Variants in ANKRD6 observed in about 807,000 individuals in gnomAD.
ANKRD6 encodes ankyrin repeat domain-containing protein 6.
A neutral mutation model predicts 82.3 loss-of-function variants in ANKRD6; 56 were observed. The ratio of observed to expected loss-of-function variants is 0.68; its 90% CI spans 0.55 to 0.85. ANKRD6 has a LOEUF of 0.85. Ranked by LOEUF, ANKRD6 falls within the 40% of genes least tolerant of loss-of-function variation. The probability of loss-of-function intolerance (pLI) is 0.00; values close to 1 mark genes in which losing one functional copy is unlikely to be tolerated. For missense variants in ANKRD6, 852 were observed against 907.6 expected (o/e 0.94, Z 0.79); for synonymous variants, 347 against 352.1 (o/e 0.99, Z 0.16).
intron 5 of ANKRD6, 67 bp downstream of exon 5, chr6:89,606,172 T>G: frequency 2.3e-6 from 3 of 1,310,120 alleles, no homozygotes; most frequent in Non-Finnish European, 2.1e-6. Flanking sequence ...TCTCCCCCTG[T>G]GGGAGCCTTC....
intron 2 of ANKRD6, among the ~76,000 whole-genome samples, chr6:89,568,809 G>A (rs977213750): frequency 2.6e-5 from 4 of 151,970 alleles, no homozygotes; most frequent in Non-Finnish European, 4.4e-5. Flanking sequence ...CTGAACTCAC[G>A]CATCCCGGCC....
chr6:89,609,994 C>T (rs1799806342), intron 5 of ANKRD6, among the ~76,000 whole-genome samples: 1 of 152,124 alleles, frequency 6.6e-6, no homozygotes, highest in African/African-American at 2.4e-5. Context: ...CATTTTGTAC[C>T]AGCCATAGCC....
intron 1 of ANKRD6, among the ~76,000 whole-genome samples, chr6:89,565,885 A>G (rs1217323470): frequency 5.3e-5 from 8 of 152,228 alleles, no homozygotes; most frequent in African/African-American, 1.4e-4. Context: ...GCAGGACTGG[A>G]TTAGACATTT....
chr6:89,540,612 CAGA>C (rs1403050230), intron 1 of ANKRD6, among the ~76,000 whole-genome samples: 1 of 152,114 alleles, frequency 6.6e-6, no homozygotes, highest in African/African-American at 2.4e-5. Flanking sequence ...CTTTGCTGTG[CAGA>C]AGCTTTTTAA....
chr6:89,476,493 C>CT (rs1776053428), intron 1 of ANKRD6, among the ~76,000 whole-genome samples: 1 of 152,160 alleles, frequency 6.6e-6, no homozygotes, highest in African/African-American at 2.4e-5. Context: ...TTATCTTTGA[C>CT]TTTTTCCACA....
intron 1 of ANKRD6, among the ~76,000 whole-genome samples, chr6:89,474,575 G>C (rs1562584232): frequency 1.3e-5 from 2 of 152,032 alleles, no homozygotes; most frequent in African/African-American, 4.8e-5. Context: ...CTGCCACCAC[G>C]CCTGGCTAAT....
intron 1 of ANKRD6, among the ~76,000 whole-genome samples, chr6:89,501,187 C>T (rs1370611373): frequency 1.3e-5 from 2 of 152,230 alleles, no homozygotes; most frequent in East Asian, 3.9e-4. Context: ...ATAATTTGTA[C>T]CTGCAAAATC....
intron 9 of ANKRD6, chr6:89,618,455 C>T (rs1802170577): frequency 4.0e-6 from 2 of 495,702 alleles, no homozygotes; most frequent in African/African-American, 3.8e-5. Flanking sequence ...GGGGACGATT[C>T]TGGGCAGATA....
At chr6:89,571,944 A>G (rs902636792) in intron 2 of ANKRD6, among the ~76,000 whole-genome samples, 2 of 152,028 alleles carry the variant, frequency 1.3e-5, no homozygotes, top group Non-Finnish European at 2.9e-5. Context: ...CTCCCACCCC[A>G]ATCCCTGGCA....
intron 1 of ANKRD6, among the ~76,000 whole-genome samples, chr6:89,498,099 A>G (rs540757879): frequency 1.3e-5 from 2 of 152,218 alleles, no homozygotes; most frequent in East Asian, 1.9e-4. Flanking sequence ...AATTGTGGCA[A>G]ATTTCACAAT....
At chr6:89,485,928 C>G (rs570093579) in intron 1 of ANKRD6, among the ~76,000 whole-genome samples, 1 of 152,138 alleles carries the variant, frequency 6.6e-6, no homozygotes, top group Admixed American at 6.5e-5. Flanking sequence ...CTACAGTGTT[C>G]TATTACCTGA....
At chr6:89,516,925 G>A (rs1352500666) in intron 1 of ANKRD6, among the ~76,000 whole-genome samples, 6 of 152,200 alleles carry the variant, frequency 3.9e-5, no homozygotes, top group Non-Finnish European at 7.3e-5. Flanking sequence ...CTGGAGTGCA[G>A]TGGCACAATC....
At chr6:89,477,378 T>A (rs1438149562) in intron 1 of ANKRD6, among the ~76,000 whole-genome samples, 6 of 152,114 alleles carry the variant, frequency 3.9e-5, no homozygotes, top group Admixed American at 3.9e-4. Context: ...CCTTCACATA[T>A]TTTTCTCTTA....
chr6:89,494,873 C>G lies in ANKRD6; in HGVS notation c.-144+61498C>G, dbSNP rs140946551. 5.7e-3 allele frequency among the ~76,000 whole-genome samples: 864 copies of G among 152,312 alleles called. 5 individuals carry two copies. The highest frequency in any genetic ancestry group is 7.3e-3 in the Admixed American group (112 of 15,302). Reference sequence around the variant, plus strand: ...TACCACATCAGAGAGAATTTTAGATCAGTCACTATGTGGGAAGAATAAATT... The same window carrying G: ...TACCACATCAGAGAGAATTTTAGATGAGTCACTATGTGGGAAGAATAAATT... On this transcript the variant is annotated intron_variant, in intron 1 of 15. Transcript: ENST00000339746.
intron 1 of ANKRD6, among the ~76,000 whole-genome samples, chr6:89,528,287 A>G (rs1392978342): frequency 6.6e-6 from 1 of 152,230 alleles, no homozygotes; most frequent in Non-Finnish European, 1.5e-5. Context: ...AAATACATTT[A>G]TGTACTATTC....
intron 1 of ANKRD6, among the ~76,000 whole-genome samples, chr6:89,434,618 T>C (rs1327263335): frequency 6.6e-6 from 1 of 152,120 alleles, no homozygotes; most frequent in Admixed American, 6.6e-5. Flanking sequence ...ATTTTTTTAT[T>C]TTACTAGAGA....
At chr6:89,584,311 C>A (rs904030072) in intron 2 of ANKRD6, among the ~76,000 whole-genome samples, 1 of 152,206 alleles carries the variant, frequency 6.6e-6, no homozygotes, top group East Asian at 1.9e-4. Context: ...AAGGAGCTCT[C>A]GAAGCCACTG....
chr6:89,576,814 C>T (rs951489534), intron 2 of ANKRD6, among the ~76,000 whole-genome samples: 8 of 152,184 alleles, frequency 5.3e-5, no homozygotes, highest in African/African-American at 1.9e-4. Flanking sequence ...CGCTCATCTG[C>T]TCTCCCTCTG....
At chr6:89,611,058 G>A (rs938958250) in intron 5 of ANKRD6, among the ~76,000 whole-genome samples, 7 of 152,154 alleles carry the variant, frequency 4.6e-5, no homozygotes, top group Non-Finnish European at 1.0e-4. Flanking sequence ...CCTCAGGCCT[G>A]TAATCCTCCC....
Sources: allele counts gnomAD v4.1 joint callset (sites outside exome capture counted in the v4.1 genomes callset), GRCh38; gene constraint gnomAD v4.1.1; transcripts MANE v1.5; gene names NCBI Gene and HGNC (gene_info 2026-07-23, HGNC 2026-07-21).